Variants in PDGFC observed in about 807,000 individuals in gnomAD.
PDGFC encodes the protein platelet derived growth factor C.
In PDGFC, 12 loss-of-function variants were observed where a neutral mutation model predicts 35.5. That is an observed-to-expected ratio of 0.34 (90% CI 0.22 to 0.55). PDGFC has a LOEUF of 0.55. Among genes scored for constraint, PDGFC ranks in the 20% least tolerant of loss-of-function variants. PDGFC has a pLI of 0.91. For synonymous variants in PDGFC, 159 were observed against 148.8 expected, an observed-to-expected ratio of 1.07 and a Z score of -0.50; for missense variants, 322 against 412.4, an observed-to-expected ratio of 0.78 and a Z score of 1.90.
In PDGFC at chr4:156,950,371, T is replaced by C. The variant is rs1732051087; in HGVS notation, c.118+20415A>G. Among the ~76,000 whole-genome samples the C allele has an allele frequency of 3.9e-5, 6 of 151,912 alleles. No homozygotes were observed. The South Asian group carries it at 1.0e-3, about 26-fold the overall frequency. On this transcript the variant is annotated intron_variant, in intron 1 of 5. Transcript: ENST00000502773. The stretch of plus-strand genomic sequence containing the variant: ...ATTATCTGTTATGATTAGATAATAA[T>C]ATTAGTTTCCCCATGTTTTTTGGTC...
At chr4:156,830,344 T>TA (rs1728897758) in intron 2 of PDGFC, among the ~76,000 whole-genome samples, 1 of 151,924 alleles carries the variant, frequency 6.6e-6, no homozygotes, top group South Asian at 2.1e-4. Context: ...TATGAGAACT[T>TA]ACGCACCTCA....
At chr4:156,878,072 A>G in intron 1 of PDGFC, among the ~76,000 whole-genome samples, 1 of 152,228 alleles carries the variant, frequency 6.6e-6, no homozygotes, top group East Asian at 1.9e-4. Context: ...ACTTACCACC[A>G]TGCCCCAAGG....
At chr4:156,880,527 T>A (rs1730216989) in intron 1 of PDGFC, among the ~76,000 whole-genome samples, 1 of 152,174 alleles carries the variant, frequency 6.6e-6, no homozygotes, top group African/African-American at 2.4e-5. Flanking sequence ...TACAAGGATA[T>A]TAATGCTGTT....
In PDGFC at chr4:156,971,414, C is replaced by G; in HGVS notation, c.-511G>C. 1 of 383,918 alleles carries G rather than the reference C, an allele frequency of 2.6e-6. No individual in the cohort carries two copies. The highest frequency in any genetic ancestry group is 4.6e-6 in the Non-Finnish European group (1 of 216,900). The allele number at this position is 383,918 out of a possible 1,614,324, so 23.8% of individuals were successfully genotyped here. A position where few individuals can be genotyped will look rare whatever the true frequency, so the allele number is the denominator to read the frequency against. ...CCGGGCGCCCCTCTCCCCCGCCCCACCCCCCACCCCCGAAGGGGGAGGGGG... is the reference window on the plus strand; with the variant it reads ...CCGGGCGCCCCTCTCCCCCGCCCCAGCCCCCACCCCCGAAGGGGGAGGGGG... On this transcript the variant is annotated 5_prime_UTR_variant, in exon 1 of 6. Coordinates refer to ENST00000502773, the MANE Select transcript of PDGFC (RefSeq NM_016205.3).
chr4:156,857,116 G>C (rs1311447042), intron 1 of PDGFC, among the ~76,000 whole-genome samples: 7 of 150,876 alleles, frequency 4.6e-5, no homozygotes, highest in Non-Finnish European at 8.9e-5. Context: ...ATCACAGGTT[G>C]ATTTAAAGTT....
intron 1 of PDGFC, among the ~76,000 whole-genome samples, chr4:156,877,737 G>GAAATA (rs779930019): frequency 6.6e-6 from 1 of 152,068 alleles, no homozygotes; most frequent in Non-Finnish European, 1.5e-5. Flanking sequence ...ATTCAGATGG[G>GAAATA]AAATAAAATA....
intron 1 of PDGFC, among the ~76,000 whole-genome samples, chr4:156,959,410 T>C (rs1161509410): frequency 6.6e-6 from 1 of 152,024 alleles, no homozygotes; most frequent in African/African-American, 2.4e-5. Context: ...CATGGCCCTG[T>C]AGCTTTTTAT....
intron 2 of PDGFC, among the ~76,000 whole-genome samples, chr4:156,836,310 T>C (rs1034754397): frequency 6.6e-6 from 1 of 152,190 alleles, no homozygotes; most frequent in Non-Finnish European, 1.5e-5. Context: ...CTCACAACTA[T>C]GTAAATCCTG....
At chr4:156,798,766 C>A (rs895693588) in intron 3 of PDGFC, among the ~76,000 whole-genome samples, 2 of 152,154 alleles carry the variant, frequency 1.3e-5, no homozygotes, top group Admixed American at 6.5e-5. Flanking sequence ...TCAGTGCTTG[C>A]ATATTTCTTT....
At chr4:156,798,923 C>A (rs1161813190) in intron 3 of PDGFC, among the ~76,000 whole-genome samples, 2 of 152,142 alleles carry the variant, frequency 1.3e-5, no homozygotes, top group African/African-American at 2.4e-5. Flanking sequence ...AATTTAAAAA[C>A]CCAATTTCAG....
chr4:156,816,028 G>A (rs895923574), intron 2 of PDGFC, among the ~76,000 whole-genome samples: 1 of 152,152 alleles, frequency 6.6e-6, no homozygotes, highest in Non-Finnish European at 1.5e-5. Flanking sequence ...AAAACTGTGA[G>A]GCCATGAGGA....
chr4:156,956,598 T>C (rs1203709370), intron 1 of PDGFC, among the ~76,000 whole-genome samples: 1 of 151,886 alleles, frequency 6.6e-6, no homozygotes, highest in African/African-American at 2.4e-5. Context: ...ATAAGAACAC[T>C]TTGCCACAGT....
At chr4:156,913,420 C>T (rs186694255) in intron 1 of PDGFC, among the ~76,000 whole-genome samples, 21 of 152,182 alleles carry the variant, frequency 1.4e-4, no homozygotes, top group Non-Finnish European at 2.5e-4. Flanking sequence ...ACTACAATAT[C>T]CTGAAAAACA....
chr4:156,886,209 C>T (rs1429060590), intron 1 of PDGFC, among the ~76,000 whole-genome samples: 1 of 152,108 alleles, frequency 6.6e-6, no homozygotes, highest in African/African-American at 2.4e-5. Flanking sequence ...AATTCTTATA[C>T]ATAATATCTA....
chr4:156,875,367 G>A (rs974514852), intron 1 of PDGFC, among the ~76,000 whole-genome samples: 2 of 152,078 alleles, frequency 1.3e-5, no homozygotes, highest in African/African-American at 4.8e-5. Flanking sequence ...TGAGAACTGG[G>A]CTGAATCTAA....
intron 3 of PDGFC, among the ~76,000 whole-genome samples, chr4:156,793,480 A>C (rs1223170667): frequency 6.7e-6 from 1 of 149,580 alleles, no homozygotes; most frequent in East Asian, 2.0e-4. Flanking sequence ...AGAAAAAAAA[A>C]CAATTTCATA....
chr4:156,943,570 T>TA (rs1731865672), intron 1 of PDGFC, among the ~76,000 whole-genome samples: 1 of 152,118 alleles, frequency 6.6e-6, no homozygotes, highest in Non-Finnish European at 1.5e-5. Flanking sequence ...CCTGTGGAGC[T>TA]ACATTGGAGT....
intron 3 of PDGFC, among the ~76,000 whole-genome samples, chr4:156,800,873 A>G (rs1392788681): frequency 6.6e-6 from 1 of 152,116 alleles, no homozygotes; most frequent in East Asian, 1.9e-4. Context: ...CTTTGGGAGA[A>G]ATTTAGTTTA....
chr4:156,933,921 G>T (rs1223703379), intron 1 of PDGFC, among the ~76,000 whole-genome samples: 2 of 152,144 alleles, frequency 1.3e-5, no homozygotes, highest in Admixed American at 1.3e-4. Flanking sequence ...CAGCCATGTG[G>T]AACTGTGAGT....
Sources: gnomAD v4.1 joint callset for allele counts (sites outside exome capture counted in the v4.1 genomes callset) on GRCh38, gnomAD v4.1.1 for gene constraint, MANE v1.5 for transcripts, NCBI Gene and HGNC (gene_info 2026-07-23, HGNC 2026-07-21) for gene names.